Variants in IL6 observed in about 807,000 individuals in gnomAD.
IL6 encodes interleukin 6, also known as interleukin-6.
A neutral mutation model predicts 18.0 loss-of-function variants in IL6; 5 were observed. That is an observed-to-expected ratio of 0.28 (90% CI 0.15 to 0.58). The LOEUF (loss-of-function observed/expected upper bound fraction) is 0.58, where lower values mean the gene tolerates loss of function less well. Ranked by LOEUF, IL6 falls within the 20% of genes least tolerant of loss-of-function variation. The pLI is 0.90. For synonymous variants in IL6, 97 were observed against 95.1 expected (o/e 1.02, Z -0.12); for missense variants, 266 against 251.0 (o/e 1.06, Z -0.40).
chr7:22,727,672 C>A (rs772090799), intron 2 of IL6, 38 bp downstream of exon 2: 3 of 1,522,040 alleles, frequency 2.0e-6, no homozygotes, highest in Non-Finnish European at 2.6e-6. Flanking sequence ...GGGCCCGGTG[C>A]GCATGCGTTC....
At chr7:22,728,866 T>A in intron 3 of IL6, 60 bp downstream of exon 3, 1 of 902,592 alleles carries the variant, frequency 1.1e-6, no homozygotes, top group East Asian at 2.5e-5. Flanking sequence ...CCCTCTTGCA[T>A]GCAGTGCCTG....
chr7:22,730,267 G>A, intron 4 of IL6: 1 of 985,394 alleles, frequency 1.0e-6, no homozygotes, highest in South Asian at 4.7e-5. Context: ...CCTTGGTGCT[G>A]ATCCTGCCTC....
At chr7:22,730,143 G>A in intron 4 of IL6, 1 of 985,406 alleles carries the variant, frequency 1.0e-6, no homozygotes, top group Non-Finnish European at 1.2e-6. Context: ...AGGGTGGAAA[G>A]AGGTACCAAA....
chr7:22,731,760 T>C lies in IL6; in HGVS notation c.*187T>C, dbSNP rs1296851163. The C allele has an allele frequency of 3.2e-6, 1 of 315,818 alleles. No individual in the cohort carries two copies. The highest frequency in any genetic ancestry group is 5.6e-6 in the Non-Finnish European group (1 of 179,714). 19.6% of individuals were successfully genotyped at this position (315,818 alleles called of 1,614,324 possible). A position where few individuals can be genotyped will look rare whatever the true frequency, so the allele number is the denominator to read the frequency against. ...AAGCTGAGTTAATTTATGTAAGTCA[T>C]ATTTATATTTTTAAGAAGTACCACT... On this transcript the variant is annotated 3_prime_UTR_variant, in exon 5 of 5. Transcript: ENST00000258743.
intron 2 of IL6, 96 bp downstream of exon 2, chr7:22,727,730 T>G (rs1352740029): frequency 4.3e-6 from 6 of 1,390,468 alleles, no homozygotes; most frequent in Non-Finnish European, 5.8e-6. Context: ...AGGAGGTCTT[T>G]GCTGGGTTCT....
intron 3 of IL6, 70 bp from the exon 4 acceptor site, chr7:22,729,444 G>T (rs1784081210): frequency 6.9e-7 from 1 of 1,452,884 alleles, no homozygotes; most frequent in Admixed American, 1.8e-5. Flanking sequence ...TCGAACTGTG[G>T]CAATTTTAAC....
rs1784082722 is a variant in IL6 at position 22,729,507 on chromosome 7, C to T, written c.325-7C>T. 1.2e-6 allele frequency: 2 copies of T among 1,611,176 alleles called. No individual in the cohort carries two copies. The highest frequency in any genetic ancestry group is 1.7e-6 in the Non-Finnish European group (2 of 1,177,940). Reference sequence around the variant, plus strand: ...ATAACCAATTTTCCCACCATCTTTCCTCTTAGGAGACTTGCCTGGTGAAAA... The same window carrying T: ...ATAACCAATTTTCCCACCATCTTTCTTCTTAGGAGACTTGCCTGGTGAAAA... On this transcript the variant is annotated splice_region_variant and splice_polypyrimidine_tract_variant and intron_variant, in intron 3 of 4. Coordinates refer to ENST00000258743, the MANE Select transcript of IL6 (RefSeq NM_000600.5).
In IL6 at chr7:22,729,684, A is replaced by G. The variant is rs200598794; in HGVS notation, c.471+24A>G. 16 of 1,613,994 alleles carry G rather than the reference A, an allele frequency of 9.9e-6. No individual in the cohort carries two copies. The East Asian group carries it at 3.3e-4, about 34-fold the overall frequency. On this transcript the variant is annotated intron_variant, in intron 4 of 4. Transcript: ENST00000258743. ...AGGTGGGTGTGTCCTCATTCCCTCA[A>G]CTTGGTGTGGGGGAAGACAGGCTCA...
In IL6 at chr7:22,728,755, C is replaced by T. The variant is rs766129888; in HGVS notation, c.273C>T (p.Asn91=). ...SKEALAENNL[N]LPKMAEKDGC... ...AGGCACTGGCAGAAAACAACCTGAACCTTCCAAAGATGGCTGAAAAAGATG... is the reference window on the plus strand; with the variant it reads ...AGGCACTGGCAGAAAACAACCTGAATCTTCCAAAGATGGCTGAAAAAGATG... Residue 91 remains asparagine, a synonymous_variant, in exon 3 of 5, where the codon AAC becomes AAT. Coordinates refer to ENST00000258743, the MANE Select transcript of IL6 (RefSeq NM_000600.5). 1.6e-5 allele frequency: 26 copies of T among 1,613,276 alleles called. No homozygotes were observed. The East Asian group carries it at 5.6e-4, about 35-fold the overall frequency.
intron 2 of IL6, 118 bp from the exon 3 acceptor site, chr7:22,728,575 G>A: frequency 3.0e-6 from 2 of 674,440 alleles, no homozygotes; most frequent in Non-Finnish European, 5.4e-6. Context: ...ATGCCAATGA[G>A]TTGTAGCTTC....
chr7:22,731,937 T>C lies in IL6; in HGVS notation c.*364T>C, dbSNP rs202085240. 6.6e-6 allele frequency: 1 copy of C among 150,936 alleles called. No homozygotes were observed. The highest frequency in any genetic ancestry group is 2.4e-5 in the African/African-American group (1 of 41,150). 9.3% of individuals were successfully genotyped at this position (150,936 alleles called of 1,614,324 possible). On this transcript the variant is annotated 3_prime_UTR_variant, in exon 5 of 5. Coordinates refer to ENST00000258743, the MANE Select transcript of IL6 (RefSeq NM_000600.5). ...ATACATATTTTTAAAGAAATATTTA[T>C]ATTGTATTTATATAATGTATAAATG... is the stretch of plus-strand genomic sequence containing the variant.
In IL6 at chr7:22,728,326, A is replaced by G. The variant is rs151222105; in HGVS notation, c.211-367A>G. ...GATCTCATAGATCCTTCCTGCTGGA[A>G]CATTCTATGGCTTGAATTATATTCT... On this transcript the variant is annotated intron_variant, in intron 2 of 4. Transcript: ENST00000258743. Among the ~76,000 whole-genome samples, 29 of 152,324 alleles carry G rather than the reference A, an allele frequency of 1.9e-4. No homozygotes were observed. In the East Asian group the frequency reaches 5.2e-3, roughly 27 times the overall value.
rs1430057058 is a variant in IL6 at position 22,728,594 on chromosome 7, T to C, written c.211-99T>C. ...CAATGAGTTGTAGCTTCATTTTTCT[T>C]AGAGACTTTCCTGGCTGTGGTTGAA... On this transcript the variant is annotated intron_variant, in intron 2 of 4. Transcript: ENST00000258743. 6.8e-6 allele frequency: 5 copies of C among 730,460 alleles called. No individual in the cohort carries two copies. The South Asian group carries it at 8.1e-5, about 12-fold the overall frequency. 45.2% of individuals were successfully genotyped at this position (730,460 alleles called of 1,614,324 possible).
intron 4 of IL6, 82 bp downstream of exon 4, chr7:22,729,742 T>A: frequency 3.1e-6 from 5 of 1,608,334 alleles, no homozygotes; most frequent in Non-Finnish European, 4.2e-6. Flanking sequence ...AGGGATGCAA[T>A]GCCACTTCCA....
At chr7:22,730,283 T>C (rs1281198458) in intron 4 of IL6, 2 of 985,246 alleles carry the variant, frequency 2.0e-6, no homozygotes, top group East Asian at 1.1e-4. Flanking sequence ...GCCTCTGCCA[T>C]TTCTACTTAA....
rs764720869 is a variant in IL6, at chr7:22,727,610, C to T, written c.186C>T (p.Asp62=). The stretch of plus-strand genomic sequence containing the variant: ...ACAAACAAATTCGGTACATCCTCGA[C>T]GGCATCTCAGCCCTGAGAAAGGAGG... ...RIDKQIRYIL[D]GISALRKETC... Residue 62 remains aspartate, a synonymous_variant, in exon 2 of 5, where the codon GAC becomes GAT. Coordinates refer to ENST00000258743, the MANE Select transcript of IL6 (RefSeq NM_000600.5). 1.3e-6 allele frequency: 2 copies of T among 1,562,380 alleles called. No individual in the cohort carries two copies. Among genetic ancestry groups the T allele is most frequent in the Middle Eastern group, 1.7e-4 (1 of 5,768 alleles).
intron 4 of IL6, chr7:22,730,036 A>G (rs1784097318): frequency 2.0e-6 from 2 of 985,426 alleles, no homozygotes; most frequent in Non-Finnish European, 2.4e-6. Context: ...TTAAGATTTT[A>G]GTCATTGCCA....
In IL6 at chr7:22,727,478, G is replaced by A. The variant is rs2128174071; in HGVS notation, c.54G>A (p.Leu18=). The change falls in exon 2 of 5, where the codon CTG becomes CTA. Residue 18 remains leucine (L), a synonymous_variant. Coordinates refer to ENST00000258743, the MANE Select transcript of IL6 (RefSeq NM_000600.5). ...GTCCAGTTGCCTTCTCCCTGGGGCT[G>A]CTCCTGGTGTTGCCTGCTGCCTTCC... ...AFGPVAFSLG[L]LLVLPAAFPA... 6.2e-7 allele frequency: 1 copy of A among 1,614,064 alleles called. No homozygotes were observed. Among genetic ancestry groups the A allele is most frequent in the Non-Finnish European group, 8.5e-7 (1 of 1,179,948 alleles).
At position 22,731,657 on chromosome 7, in the gene IL6, T is replaced by C; in HGVS notation, c.*84T>C. The C allele has an allele frequency of 2.0e-6, 2 of 982,388 alleles. No homozygotes were observed. The highest frequency in any genetic ancestry group is 3.2e-5 in the South Asian group (1 of 31,426). 60.9% of individuals were successfully genotyped at this position (982,388 alleles called of 1,614,324 possible). ...TCCACTGGGCACAGAACTTATGTTG[T>C]TCTCTATGGAGAACTAAAAGTATGA... On this transcript the variant is annotated 3_prime_UTR_variant, in exon 5 of 5. Coordinates refer to ENST00000258743, the MANE Select transcript of IL6 (RefSeq NM_000600.5).
Sources: allele counts gnomAD v4.1 joint callset (sites outside exome capture counted in the v4.1 genomes callset), GRCh38; gene constraint gnomAD v4.1.1; transcripts MANE v1.5; gene names NCBI Gene and HGNC (gene_info 2026-07-23, HGNC 2026-07-21).